The following GPR158 variants were observed in gnomAD, a reference collection of about 807,000 sequenced individuals.
The protein encoded by GPR158 is metabotropic glycine receptor.
Under a neutral mutation model 78.2 loss-of-function variants are expected in GPR158, and 30 were observed. That is an observed-to-expected ratio of 0.38 (90% CI 0.29 to 0.52). The LOEUF (loss-of-function observed/expected upper bound fraction) is 0.52. GPR158 is among the 20% of genes least tolerant of loss of function. The pLI, the probability that GPR158 is intolerant of heterozygous loss-of-function variation, is 0.83. For synonymous variants in GPR158, 581 were observed against 591.1 expected (o/e 0.98, Z 0.25); for missense variants, 1,463 against 1,523.5 (o/e 0.96, Z 0.66).
intron 6 of GPR158, among the ~76,000 whole-genome samples, chr10:25,551,806 A>G (rs1836729248): frequency 6.6e-6 from 1 of 152,170 alleles, no homozygotes; most frequent in Non-Finnish European, 1.5e-5. Flanking sequence ...AGCATAGGAG[A>G]TAAACAATAA....
chr10:25,372,908 TA>T (rs1372243251), intron 2 of GPR158, among the ~76,000 whole-genome samples: 1 of 151,512 alleles, frequency 6.6e-6, no homozygotes, highest in Admixed American at 6.6e-5. Context: ...AAAAAAGACC[TA>T]AAAACAGAAC....
chr10:25,541,660 A>G (rs1363922953), intron 5 of GPR158, among the ~76,000 whole-genome samples: 2 of 151,870 alleles, frequency 1.3e-5, no homozygotes, highest in Admixed American at 6.6e-5. Context: ...ATAAAAGATG[A>G]TCCTGAATAA....
chr10:25,448,689 G>GACCATTTTCCAAAGTGGTTGT (rs1835173619), intron 4 of GPR158, among the ~76,000 whole-genome samples: 1 of 152,188 alleles, frequency 6.6e-6, no homozygotes, highest in Non-Finnish European at 1.5e-5. Context: ...AAAGCCACAA[G>GACCATTTTCCAAAGTGGTTGT]ACCATTTTCC....
At chr10:25,351,056 C>A (rs10741077) in intron 2 of GPR158, among the ~76,000 whole-genome samples, 32,658 of 151,728 alleles carry the variant, frequency 0.22, 3,669 homozygotes, top group Non-Finnish European at 0.25. Flanking sequence ...AATGGAGATT[C>A]CTTCGCAGAA....
chr10:25,341,743 G>A (rs1855305559), intron 2 of GPR158, among the ~76,000 whole-genome samples: 1 of 151,268 alleles, frequency 6.6e-6, no homozygotes, highest in Admixed American at 6.6e-5. Context: ...TATTTATTCT[G>A]GATTTTAGCC....
At chr10:25,295,422 CT>C (rs147896965) in intron 2 of GPR158, among the ~76,000 whole-genome samples, 1 of 151,296 alleles carries the variant, frequency 6.6e-6, no homozygotes, top group East Asian at 1.9e-4. Context: ...ACTTCTCTTT[CT>C]TTTTTTTTGA....
At chr10:25,180,445 C>G (rs1852598901) in intron 1 of GPR158, among the ~76,000 whole-genome samples, 1 of 152,198 alleles carries the variant, frequency 6.6e-6, no homozygotes, top group African/African-American at 2.4e-5. Flanking sequence ...GTGCTGATTT[C>G]TATCTCTTGA....
At chr10:25,269,923 A>C (rs1854094823) in intron 2 of GPR158, among the ~76,000 whole-genome samples, 2 of 152,192 alleles carry the variant, frequency 1.3e-5, no homozygotes, top group South Asian at 4.1e-4. Flanking sequence ...TTATCTTATT[A>C]AATATCCTAA....
chr10:25,584,823 C>T (rs1837245823), intron 7 of GPR158, among the ~76,000 whole-genome samples: 1 of 152,186 alleles, frequency 6.6e-6, no homozygotes, highest in African/African-American at 2.4e-5. Context: ...GAAAATCTAA[C>T]AGTTTATCTG....
intron 6 of GPR158, among the ~76,000 whole-genome samples, chr10:25,572,375 C>CTCAGCTACTTGGAAGGCTGAGGCG (rs368529680): frequency 1.3e-5 from 2 of 152,158 alleles, no homozygotes; most frequent in South Asian, 2.1e-4. Flanking sequence ...TGCCTGGAGT[C>CTCAGCTACTTGGAAGGCTGAGGCG]TCAGCTACTT....
intron 8 of GPR158, among the ~76,000 whole-genome samples, chr10:25,591,443 G>T (rs1463114019): frequency 6.6e-6 from 1 of 152,104 alleles, no homozygotes; most frequent in Admixed American, 6.6e-5. Context: ...AGAGCCCCAA[G>T]CAACTCATTG....
At chr10:25,272,429 T>A (rs1854129930) in intron 2 of GPR158, among the ~76,000 whole-genome samples, 1 of 152,174 alleles carries the variant, frequency 6.6e-6, no homozygotes, top group South Asian at 2.1e-4. Context: ...TTATTTTCTA[T>A]CTCCTCTGCT....
chr10:25,560,084 A>G (rs185566778), intron 6 of GPR158, among the ~76,000 whole-genome samples: 12 of 152,292 alleles, frequency 7.9e-5, no homozygotes, highest in Admixed American at 5.9e-4. Context: ...CTTCAATATT[A>G]ATAATACTAT....
intron 5 of GPR158, among the ~76,000 whole-genome samples, chr10:25,481,429 A>T (rs1470527585): frequency 1.3e-5 from 2 of 152,188 alleles, no homozygotes; most frequent in African/African-American, 4.8e-5. Flanking sequence ...AGATATCTGG[A>T]TTGACCACCT....
intron 2 of GPR158, among the ~76,000 whole-genome samples, chr10:25,308,498 GTA>G (rs1854716594): frequency 1.3e-5 from 2 of 152,018 alleles, no homozygotes; most frequent in Non-Finnish European, 2.9e-5. Context: ...GCCCATTTTA[GTA>G]CCAGATTTTT....
At chr10:25,257,404 CTT>C (rs1487971141) in intron 2 of GPR158, among the ~76,000 whole-genome samples, 1 of 152,130 alleles carries the variant, frequency 6.6e-6, no homozygotes, top group African/African-American at 2.4e-5. Flanking sequence ...TTGGAAAAGA[CTT>C]AGAAATTCTG....
intron 4 of GPR158, among the ~76,000 whole-genome samples, chr10:25,425,887 T>C (rs1250773080): frequency 1.3e-5 from 2 of 152,104 alleles, no homozygotes; most frequent in Non-Finnish European, 2.9e-5. Context: ...ATCAAGATTG[T>C]GCTCTATTTC....
intron 2 of GPR158, among the ~76,000 whole-genome samples, chr10:25,280,366 G>A (rs1340723383): frequency 6.6e-6 from 1 of 152,122 alleles, no homozygotes; most frequent in Non-Finnish European, 1.5e-5. Context: ...AAAAAGAACT[G>A]TTGGTTATAA....
At chr10:25,524,265 C>CT (rs1836321589) in intron 5 of GPR158, among the ~76,000 whole-genome samples, 1 of 152,208 alleles carries the variant, frequency 6.6e-6, no homozygotes, top group African/African-American at 2.4e-5. Context: ...ACCCAGCTAT[C>CT]TTTTTGTTAA....
Sources: gnomAD v4.1 joint callset for allele counts (sites outside exome capture counted in the v4.1 genomes callset) on GRCh38, gnomAD v4.1.1 for gene constraint, MANE v1.5 for transcripts, NCBI Gene and HGNC (gene_info 2026-07-23, HGNC 2026-07-21) for gene names.